TTL: variants seen among roughly 807,000 people sequenced by gnomAD.
TTL encodes the protein tubulin tyrosine ligase.
Under a neutral mutation model 41.1 loss-of-function variants are expected in TTL, and 10 were observed. The observed-to-expected ratio is 0.24, with a 90% confidence interval of 0.15 to 0.41. TTL has a LOEUF of 0.41. Ranked by LOEUF, TTL falls within the 10% of genes least tolerant of loss-of-function variation. TTL has a pLI of 1.00. For synonymous variants in TTL, 175 were observed against 175.5 expected, an observed-to-expected ratio of 1.00 and a Z score of 0.02; for missense variants, 367 against 460.4, an observed-to-expected ratio of 0.80 and a Z score of 1.86.
chr2:112,502,411 T>C (rs752384794), intron 4 of TTL, among the ~76,000 whole-genome samples: 1 of 151,900 alleles, frequency 6.6e-6, no homozygotes, highest in African/African-American at 2.4e-5. Context: ...CCAAGGTGGG[T>C]GGATCACCTG....
rs1282081293 is a variant in TTL, at chr2:112,539,842, A to G, written c.*11047A>G. The G allele has an allele frequency of 2.6e-5, 4 of 152,224 alleles. No homozygotes were observed. The highest frequency in any genetic ancestry group is 5.9e-5 in the Non-Finnish European group (4 of 68,040). The allele number at this position is 152,224 out of a possible 1,614,324, so 9.4% of individuals were successfully genotyped here. A position where few individuals can be genotyped will look rare whatever the true frequency, so the allele number is the denominator to read the frequency against. Reference sequence around the variant, plus strand: ...GTTTAGCAAGATTGCCAGACACAAGATCAATATACAAAACTCAATGGTATT... The same window carrying G: ...GTTTAGCAAGATTGCCAGACACAAGGTCAATATACAAAACTCAATGGTATT... On this transcript the variant is annotated 3_prime_UTR_variant, in exon 7 of 7. Transcript: ENST00000233336.
chr2:112,518,837 G>C (rs1038590004), intron 5 of TTL, among the ~76,000 whole-genome samples: 11 of 152,004 alleles, frequency 7.2e-5, no homozygotes, highest in African/African-American at 2.7e-4. Context: ...ACTATGCCTG[G>C]CTAATTTTTG....
At chr2:112,509,680 C>T (rs965520728) in intron 5 of TTL, among the ~76,000 whole-genome samples, 3 of 152,318 alleles carry the variant, frequency 2.0e-5, no homozygotes, top group South Asian at 2.1e-4. Flanking sequence ...GGCTCGCGCA[C>T]GGTGCGCACA....
In TTL at chr2:112,540,757, G is replaced by T. The variant is rs1477395374; in HGVS notation, c.*11962G>T. ...GAAAGAATAGTCTTTTTAACAAATG[G>T]TGTTAGGACAACTGGATATCCACAT... is the stretch of plus-strand genomic sequence containing the variant. On this transcript the variant is annotated 3_prime_UTR_variant, in exon 7 of 7. Coordinates refer to ENST00000233336, the MANE Select transcript of TTL (RefSeq NM_153712.5). 1 of 152,206 alleles carries T rather than the reference G, an allele frequency of 6.6e-6. No homozygotes were observed. Among genetic ancestry groups the T allele is most frequent in the Non-Finnish European group, 1.5e-5 (1 of 68,034 alleles). The allele number at this position is 152,206 out of a possible 1,614,324, so 9.4% of individuals were successfully genotyped here.
rs1382962047 is a variant in TTL at position 112,530,953 on chromosome 2, T to TC, written c.*2158_*2159insC. On this transcript the variant is annotated 3_prime_UTR_variant, in exon 7 of 7. Coordinates refer to ENST00000233336, the MANE Select transcript of TTL (RefSeq NM_153712.5). Reference sequence around the variant, plus strand: ...ATTTTAAATTTCAAATAAATTTAAATAAATTTTAAATAAATTTTAAATAAA... The same window carrying TC: ...ATTTTAAATTTCAAATAAATTTAAATCAAATTTTAAATAAATTTTAAATAAA... 5.7e-6 allele frequency: 1 copy of TC among 176,884 alleles called. No individual in the cohort carries two copies. Among genetic ancestry groups the TC allele is most frequent in the African/African-American group, 2.4e-5 (1 of 42,032 alleles). The allele number at this position is 176,884 out of a possible 1,614,324, so 11.0% of individuals were successfully genotyped here.
At position 112,482,426 on chromosome 2, in the gene TTL, A is replaced by G. The variant is rs566867023; in HGVS notation, c.82A>G (p.Lys28Glu). ...GCTGCTCCTCGCCACCGGCCACTGGAAGAGGCTGCGGCGAGACAACCCCAG... is the reference window on the plus strand; with the variant it reads ...GCTGCTCCTCGCCACCGGCCACTGGGAGAGGCTGCGGCGAGACAACCCCAG... Reference protein sequence around the residue: ...SRLLLATGHWKRLRRDNPRFN... With the variant: ...SRLLLATGHWERLRRDNPRFN... The change falls in exon 1 of 7, where the codon AAG (lysine) becomes GAG (glutamate). Residue 28 changes from lysine to glutamate, a missense_variant. Coordinates refer to ENST00000233336, the MANE Select transcript of TTL (RefSeq NM_153712.5). This position sits in a 1 kb window ranked among gnomAD's most constrained non-coding sequence, Gnocchi z 5.3. The G allele has an allele frequency of 6.2e-7, 1 of 1,610,456 alleles. No individual in the cohort carries two copies. The highest frequency in any genetic ancestry group is 2.2e-5 in the East Asian group (1 of 44,526).
intron 5 of TTL, among the ~76,000 whole-genome samples, chr2:112,510,772 C>T (rs1000800061): frequency 6.6e-6 from 1 of 152,266 alleles, no homozygotes; most frequent in Admixed American, 6.5e-5. Context: ...TAGCAGAATC[C>T]CACAGATTTT....
At chr2:112,485,221 A>T (rs1240683205) in intron 1 of TTL, among the ~76,000 whole-genome samples, 1 of 152,248 alleles carries the variant, frequency 6.6e-6, no homozygotes, top group Admixed American at 6.5e-5. Context: ...GAGTGCTGGG[A>T]TAACAGGCAT....
chr2:112,512,672 C>T (rs547729543), intron 5 of TTL, among the ~76,000 whole-genome samples: 38 of 152,320 alleles, frequency 2.5e-4, no homozygotes, highest in African/African-American at 9.1e-4. Context: ...GCTGGGATTA[C>T]AGGCGTGAGC....
intron 6 of TTL, among the ~76,000 whole-genome samples, chr2:112,528,204 C>G (rs1052885136): frequency 6.6e-6 from 1 of 152,168 alleles, no homozygotes. Flanking sequence ...ATAGGCTTCC[C>G]TTTGTGGGTA....
At chr2:112,501,548 C>T (rs1574061287) in intron 4 of TTL, among the ~76,000 whole-genome samples, 3 of 151,690 alleles carry the variant, frequency 2.0e-5, no homozygotes, top group Non-Finnish European at 2.9e-5. Flanking sequence ...AATGTTACTA[C>T]GATTATGGAT....
intron 2 of TTL, among the ~76,000 whole-genome samples, chr2:112,488,864 G>A (rs1159461057): frequency 2.0e-5 from 3 of 152,058 alleles, no homozygotes; most frequent in East Asian, 1.9e-4. Flanking sequence ...CGAGGCGGGC[G>A]GATCACGATG....
Position 112,520,398 on chromosome 2 carries a change from A to C in TTL, c.992A>C (p.Glu331Ala). The change falls in exon 6 of 7, where the codon GAG becomes GCG. Residue 331 changes from glutamate (E) to alanine (A), a missense_variant. Glu to Ala is a moderately radical substitution (Grantham distance 107). Coordinates refer to ENST00000233336, the MANE Select transcript of TTL (RefSeq NM_153712.5). ...VDEELKVWLI[E>A]VNGAPACAQK... ...GAGGAGCTGAAGGTGTGGCTCATTG[A>C]GGTCAACGGTGCCCCTGCATGTGCT... The C allele has an allele frequency of 6.2e-7, 1 of 1,614,058 alleles. No homozygotes were observed. The highest frequency in any genetic ancestry group is 2.2e-5 in the East Asian group (1 of 44,876).
At chr2:112,526,215 G>A (rs1217243985) in intron 6 of TTL, among the ~76,000 whole-genome samples, 3 of 152,200 alleles carry the variant, frequency 2.0e-5, no homozygotes, top group African/African-American at 4.8e-5. Flanking sequence ...TTTTTGCATC[G>A]ATGTTCATCA....
intron 3 of TTL, among the ~76,000 whole-genome samples, chr2:112,495,293 C>T (rs1435228722): frequency 6.6e-6 from 1 of 152,192 alleles, no homozygotes; most frequent in Non-Finnish European, 1.5e-5. Flanking sequence ...TCATTTACCT[C>T]CTGACATTAA....
At chr2:112,496,790 C>G (rs186951997) in intron 3 of TTL, among the ~76,000 whole-genome samples, 1,635 of 148,938 alleles carry the variant, frequency 0.011, 27 homozygotes, top group African/African-American at 0.031. Flanking sequence ...TCACTACAGC[C>G]TCGACTTCCT....
intron 4 of TTL, among the ~76,000 whole-genome samples, chr2:112,502,014 A>G (rs939106186): frequency 6.6e-6 from 1 of 152,206 alleles, no homozygotes; most frequent in African/African-American, 2.4e-5. Context: ...AACCTTGCCA[A>G]ATAATTTCTC....
chr2:112,527,182 T>C (rs945660964), intron 6 of TTL, among the ~76,000 whole-genome samples: 6 of 152,220 alleles, frequency 3.9e-5, no homozygotes, highest in African/African-American at 1.4e-4. Flanking sequence ...TTCTTTTACA[T>C]TTGCTGAGGA....
chr2:112,527,227 C>T (rs1276098464), intron 6 of TTL, among the ~76,000 whole-genome samples: 1 of 152,088 alleles, frequency 6.6e-6, no homozygotes. Flanking sequence ...CGCTTTACTT[C>T]CAATTATGTG....
Sources: allele counts gnomAD v4.1 joint callset (sites outside exome capture counted in the v4.1 genomes callset), GRCh38; gene constraint gnomAD v4.1.1; non-coding constraint Gnocchi (gnomAD v3.1); transcripts MANE v1.5; gene names NCBI Gene and HGNC (gene_info 2026-07-23, HGNC 2026-07-21).